RARS2: variants seen among roughly 807,000 people sequenced by gnomAD.
RARS2 encodes probable arginine--tRNA ligase, mitochondrial.
Under a neutral mutation model 88.5 loss-of-function variants are expected in RARS2, and 67 were observed. The ratio of observed to expected loss-of-function variants is 0.76; its 90% CI spans 0.62 to 0.93. The LOEUF is 0.93. Among genes scored for constraint, RARS2 ranks in the 40% least tolerant of loss-of-function variants. RARS2 has a pLI of 0.00. For synonymous variants in RARS2, 239 were observed against 230.3 expected, an observed-to-expected ratio of 1.04 and a Z score of -0.34; for missense variants, 664 against 684.2, an observed-to-expected ratio of 0.97 and a Z score of 0.33.
In RARS2 at chr6:87,563,558, T is replaced by C. The variant is rs117965562; in HGVS notation, c.213+572A>G. Among the ~76,000 whole-genome samples, 1,164 of 152,340 alleles carry C rather than the reference T, an allele frequency of 7.6e-3. 13 individuals are homozygous for C. The highest frequency in any genetic ancestry group is 0.013 in the Non-Finnish European group (860 of 68,026). On this transcript the variant is annotated intron_variant, in intron 3 of 19. Transcript: ENST00000369536. ...CACTGACTCTGTGGATGTATGTTAA[T>C]AACCTTGTCCAACATTATCTGCCTT... is the stretch of plus-strand genomic sequence containing the variant.
chr6:87,532,388 A>G (rs1323938669), intron 8 of RARS2, among the ~76,000 whole-genome samples: 2 of 152,210 alleles, frequency 1.3e-5, no homozygotes, highest in Admixed American at 6.5e-5. Context: ...GGATGCAAAC[A>G]GTACAGCTTA....
In RARS2 at chr6:87,555,400, A is replaced by AC; in HGVS notation, c.395+7dup. The AC allele has an allele frequency of 6.2e-7, 1 of 1,608,564 alleles. No homozygotes were observed. The highest frequency in any genetic ancestry group is 8.5e-7 in the Non-Finnish European group (1 of 1,175,022). ...ATTAAGCAACACATAAAAGGGGTGCACCCTCACCTGAATTCAACCACAATC... is the reference window on the plus strand; with the variant it reads ...ATTAAGCAACACATAAAAGGGGTGCACCCCTCACCTGAATTCAACCACAATC... On this transcript the variant is annotated splice_region_variant and intron_variant, in intron 5 of 19. Transcript: ENST00000369536.
At chr6:87,527,925 C>T (rs1462262031) in intron 10 of RARS2, among the ~76,000 whole-genome samples, 3 of 151,796 alleles carry the variant, frequency 2.0e-5, no homozygotes, top group Non-Finnish European at 4.4e-5. Context: ...GATGGGGAGG[C>T]GGGAGAGCAT....
At chr6:87,587,024 T>C (rs1775385471) in intron 1 of RARS2, among the ~76,000 whole-genome samples, 1 of 152,046 alleles carries the variant, frequency 6.6e-6, no homozygotes, top group Admixed American at 6.6e-5. Context: ...TCCTTCCACC[T>C]CAGCCTCCCA....
Position 87,520,188 on chromosome 6 carries a change from C to G in RARS2, c.1104G>C (p.Trp368Cys). The G allele has an allele frequency of 6.2e-7, 1 of 1,613,090 alleles. No homozygotes were observed. The highest frequency in any genetic ancestry group is 8.5e-7 in the Non-Finnish European group (1 of 1,179,312). ...FQMLKIMGYD[W>C]AERCQHVPFG... ...AACCATGCAGACATTACCTTTCTGC[C>G]CAGTCATATCCCATGATCTTCAGCA... is the stretch of plus-strand genomic sequence containing the variant. The change falls in exon 13 of 20, where the codon TGG (tryptophan) becomes TGC (cysteine). Residue 368 changes from tryptophan to cysteine, a missense_variant. By Grantham distance (215) the Trp-to-Cys change is radical. Transcript: ENST00000369536.
intron 5 of RARS2, among the ~76,000 whole-genome samples, chr6:87,549,204 A>G (rs959744481): frequency 6.6e-6 from 1 of 151,726 alleles, no homozygotes; most frequent in Non-Finnish European, 1.5e-5. Context: ...AAAATACAAA[A>G]AATTAGCGAG....
chr6:87,562,563 A>G (rs1788163591), intron 4 of RARS2, 139 bp downstream of exon 4: 1 of 691,416 alleles, frequency 1.4e-6, no homozygotes, highest in Non-Finnish European at 2.6e-6. Context: ...TTGGGGTGGT[A>G]CTCTCCAAGT....
In RARS2 at chr6:87,567,047, T is replaced by A. The variant is rs1271401046; in HGVS notation, c.110+2470A>T. On this transcript the variant is annotated intron_variant, in intron 2 of 19. Transcript: ENST00000369536. ...TACCTTGGCCTCCCAAGGTCAGGAG[T>A]TTGAGACCAGCCTGGCCAACATGGT... is the stretch of plus-strand genomic sequence containing the variant. Among the ~76,000 whole-genome samples the A allele has an allele frequency of 8.6e-5, 13 of 151,014 alleles. No homozygotes were observed. The South Asian group carries it at 2.3e-3, about 27-fold the overall frequency.
intron 5 of RARS2, among the ~76,000 whole-genome samples, chr6:87,551,122 G>A (rs986427273): frequency 6.6e-6 from 1 of 152,100 alleles, no homozygotes; most frequent in Non-Finnish European, 1.5e-5. Context: ...AGGTCTTCAA[G>A]TTTTGACAAA....
intron 8 of RARS2, among the ~76,000 whole-genome samples, chr6:87,531,257 G>A (rs1463993875): frequency 1.3e-5 from 2 of 152,136 alleles, no homozygotes; most frequent in Non-Finnish European, 2.9e-5. Context: ...TCCGAGAGAG[G>A]TCAGGGAAAA....
intron 1 of RARS2, among the ~76,000 whole-genome samples, chr6:87,585,312 T>C (rs1774802546): frequency 2.0e-5 from 3 of 152,194 alleles, no homozygotes; most frequent in South Asian, 2.1e-4. Context: ...ATGAAGCTTA[T>C]AGAGGAAACA....
At chr6:87,555,635 G>C in intron 4 of RARS2, 130 bp from the exon 5 acceptor site, 11 of 710,416 alleles carry the variant, frequency 1.5e-5, no homozygotes, top group Non-Finnish European at 2.7e-5. Context: ...AGCATCCTCA[G>C]TGGCACTACC....
intron 4 of RARS2, among the ~76,000 whole-genome samples, chr6:87,559,403 G>C (rs1787081524): frequency 6.7e-6 from 1 of 150,300 alleles, no homozygotes; most frequent in East Asian, 2.0e-4. Flanking sequence ...GGGGGCGGAG[G>C]TGGGAGCTGA....
chr6:87,563,054 A>C (rs1788345832), intron 3 of RARS2, among the ~76,000 whole-genome samples: 2 of 152,144 alleles, frequency 1.3e-5, no homozygotes, highest in South Asian at 4.1e-4. Flanking sequence ...CCTTGTAACA[A>C]GTAAGAAAAA....
At chr6:87,573,551 T>C (rs1192930647) in intron 1 of RARS2, among the ~76,000 whole-genome samples, 5 of 152,168 alleles carry the variant, frequency 3.3e-5, no homozygotes, top group Non-Finnish European at 7.4e-5. Flanking sequence ...AGAGTTTTAG[T>C]TGTGCAAGAT....
At position 87,533,007 on chromosome 6, in the gene RARS2, T is replaced by A. The variant is rs187926330; in HGVS notation, c.613-2065A>T. Among the ~76,000 whole-genome samples the A allele has an allele frequency of 2.2e-3, 336 of 152,310 alleles. 3 individuals carry two copies. Among genetic ancestry groups the A allele is most frequent in the African/African-American group, 7.8e-3 (323 of 41,568 alleles). On this transcript the variant is annotated intron_variant, in intron 8 of 19. Transcript: ENST00000369536. ...ACATAAATATATATTCACAAGTGGT[T>A]TCTGATTCTATCTCACACACATACA...
intron 1 of RARS2, among the ~76,000 whole-genome samples, chr6:87,578,109 C>T (rs1006025477): frequency 2.5e-4 from 34 of 138,242 alleles, no homozygotes; most frequent in East Asian, 2.0e-4. Flanking sequence ...ATAGCGAGAC[C>T]CCCCCCCCCG....
At chr6:87,584,379 A>G (rs1284227924) in intron 1 of RARS2, among the ~76,000 whole-genome samples, 4 of 152,206 alleles carry the variant, frequency 2.6e-5, no homozygotes, top group African/African-American at 4.8e-5. Context: ...GCAACTCCTG[A>G]CATTAAGCAC....
Position 87,564,245 on chromosome 6 carries a change from A to G in RARS2, c.111-13T>C. ...ATCAGCTACTTCTCTAAAGACAGAC[A>G]TCGAAACGAGATAGAACTGTTACCT... On this transcript the variant is annotated splice_polypyrimidine_tract_variant and intron_variant, in intron 2 of 19. Coordinates refer to ENST00000369536, the MANE Select transcript of RARS2 (RefSeq NM_020320.5). 1.3e-6 allele frequency: 2 copies of G among 1,569,490 alleles called. No homozygotes were observed. The highest frequency in any genetic ancestry group is 8.8e-7 in the Non-Finnish European group (1 of 1,139,828).
Sources: gnomAD v4.1 joint callset for allele counts (sites outside exome capture counted in the v4.1 genomes callset) on GRCh38, gnomAD v4.1.1 for gene constraint, MANE v1.5 for transcripts, NCBI Gene and HGNC (gene_info 2026-07-23, HGNC 2026-07-21) for gene names.